CXADR: variants seen among roughly 807,000 people sequenced by gnomAD.
CXADR encodes the protein coxsackievirus and adenovirus receptor.
In CXADR, 20 loss-of-function variants were observed where a neutral mutation model predicts 40.3. The observed-to-expected ratio is 0.50, with a 90% CI of 0.35 to 0.72. The LOEUF is 0.72. Ranked by LOEUF, CXADR falls within the 30% of genes least tolerant of loss-of-function variation. The pLI is 0.01. For missense variants in CXADR, 332 were observed against 449.1 expected, an observed-to-expected ratio of 0.74 and a Z score of 2.36; for synonymous variants, 150 against 161.3, an observed-to-expected ratio of 0.93 and a Z score of 0.53.
chr21:17,611,611 C>T, the CXADR span: 2 of 152,272 alleles, frequency 1.3e-5, no homozygotes, highest in Non-Finnish European at 2.9e-5. Flanking sequence ...CAAGCAGGGC[C>T]AAGAAGACCT....
chr21:17,546,673 G>T (rs554905541), intron 1 of CXADR, among the ~76,000 whole-genome samples: 44 of 152,254 alleles, frequency 2.9e-4, no homozygotes, highest in Non-Finnish European at 4.1e-4. Context: ...TTTGGGCGGG[G>T]TCACAAATCC....
At chr21:17,599,105 C>CA in the CXADR span, 2 of 314,252 alleles carry the variant, frequency 6.4e-6, no homozygotes, top group Admixed American at 4.6e-5. Context: ...TTTAAAACAT[C>CA]AAAAAAAGTC....
At chr21:17,594,029 T>TA, downstream of CXADR, 3 of 1,536,606 alleles carry the variant, frequency 2.0e-6, no homozygotes, top group East Asian at 6.8e-5. Flanking sequence ...TTTTAACTTT[T>TA]AATGTGTAGT....
Position 17,561,370 on chromosome 21 carries a change from A to G in CXADR, c.727A>G (p.Ile243Val), listed in dbSNP as rs2061117599. The G allele has an allele frequency of 1.2e-6, 2 of 1,603,806 alleles. No homozygotes were observed. Among genetic ancestry groups the G allele is most frequent in the Middle Eastern group, 1.9e-4 (1 of 5,180 alleles). ...SNKAGLIAGA[I>V]IGTLLALALI... ...TAAAGCTGGACTAATTGCAGGAGCC[A>G]TTATAGGAACTTTGCTTGCTCTAGC... is the stretch of plus-strand genomic sequence containing the variant. Residue 243 changes from isoleucine (I) to valine (V), a missense_variant, in exon 6 of 7, where the codon ATT becomes GTT. Transcript: ENST00000284878.
chr21:17,589,297 T>TAAA (rs910125065), intron 7 of CXADR, among the ~76,000 whole-genome samples: 15 of 152,070 alleles, frequency 9.9e-5, no homozygotes, highest in African/African-American at 3.1e-4. Context: ...AATTCAGAAA[T>TAAA]ACAACAGATT....
At chr21:17,530,112 C>CTTTTTTTTTTTTTTTTTT (rs1317914148) in intron 1 of CXADR, among the ~76,000 whole-genome samples, 1 of 24,428 alleles carries the variant, frequency 4.1e-5, no homozygotes, top group East Asian at 2.3e-3. Flanking sequence ...CCATGCCAGG[C>CTTTTTTTTTTTTTTTTTT]TATTTTTTTT....
At position 17,546,753 on chromosome 21, in the gene CXADR, CCTT is replaced by C. The variant is rs1199344745; in HGVS notation, c.44-271_44-269del. 2.6e-5 allele frequency among the ~76,000 whole-genome samples: 4 copies of C among 152,180 alleles called. No homozygotes were observed. The East Asian group carries it at 7.7e-4, about 29-fold the overall frequency. On this transcript the variant is annotated intron_variant, in intron 1 of 6. Transcript: ENST00000284878. ...TTAAACATCTGCTTGCATATAGAAA[CCTT>C]CTACCAGTAGAAACTTACATAATGT... is the stretch of plus-strand genomic sequence containing the variant.
chr21:17,632,644 G>A, the CXADR span, among the ~76,000 whole-genome samples: 1 of 151,946 alleles, frequency 6.6e-6, no homozygotes, highest in Admixed American at 6.6e-5. Flanking sequence ...GAGGCGGGCG[G>A]ATCACGAGGT....
At chr21:17,635,761 T>G in the CXADR span, among the ~76,000 whole-genome samples, 2 of 152,240 alleles carry the variant, frequency 1.3e-5, no homozygotes, top group African/African-American at 4.8e-5. Context: ...CAAGTTGTTT[T>G]GTCTGTTCTA....
intron 6 of CXADR, 88 bp from the exon 7 acceptor site, chr21:17,565,340 A>C (rs1350218022): frequency 2.2e-6 from 3 of 1,393,956 alleles, no homozygotes; most frequent in Non-Finnish European, 3.0e-6. Flanking sequence ...ACCTAAATAC[A>C]GGCTCTTATC....
At position 17,587,135 on chromosome 21, in the gene CXADR, T is replaced by C. The variant is rs2061402953; in HGVS notation, c.1018-6017T>C. Among the ~76,000 whole-genome samples, 2 of 152,218 alleles carry C rather than the reference T, an allele frequency of 1.3e-5. 1 individual carries two copies. Among genetic ancestry groups the C allele is most frequent in the Admixed American group, 1.3e-4 (2 of 15,282 alleles). ...TGCCACATTTTCTTAATCCAGTCTATCATTGTTGGACATGTGGGTTGGTTC... is the reference window on the plus strand; with the variant it reads ...TGCCACATTTTCTTAATCCAGTCTACCATTGTTGGACATGTGGGTTGGTTC... On this transcript the variant is annotated intron_variant, in intron 7 of 7. Transcript: ENST00000400169.
chr21:17,515,638 C>T (rs1349448250), intron 1 of CXADR, among the ~76,000 whole-genome samples: 1 of 152,000 alleles, frequency 6.6e-6, no homozygotes, highest in Non-Finnish European at 1.5e-5. Flanking sequence ...GGTGAAACCC[C>T]GTCCCTACTA....
chr21:17,590,655 C>T (rs1222015610), intron 7 of CXADR, among the ~76,000 whole-genome samples: 1 of 151,944 alleles, frequency 6.6e-6, no homozygotes, highest in Admixed American at 6.6e-5. Context: ...TTGCTTCATC[C>T]ATTGCAATAG....
chr21:17,562,031 C>T lies in CXADR; in HGVS notation c.833+555C>T, dbSNP rs118031127. ...AGGCACACTTCAGAGTTATCGCACA[C>T]TGCGATAAATCACATGAATGTTTTT... On this transcript the variant is annotated intron_variant, in intron 6 of 6. Transcript: ENST00000284878. Among the ~76,000 whole-genome samples, 727 of 152,214 alleles carry T rather than the reference C, an allele frequency of 4.8e-3. 4 individuals are homozygous for T. The highest frequency in any genetic ancestry group is 7.8e-3 in the Admixed American group (120 of 15,296).
At chr21:17,562,825 A>G (rs1601025986) in intron 6 of CXADR, among the ~76,000 whole-genome samples, 3 of 152,224 alleles carry the variant, frequency 2.0e-5, no homozygotes, top group African/African-American at 7.2e-5. Context: ...AAACTCATTA[A>G]CCAGCCTCTG....
the CXADR span, among the ~76,000 whole-genome samples, chr21:17,625,353 A>G: frequency 1.3e-5 from 2 of 152,182 alleles, no homozygotes; most frequent in Non-Finnish European, 2.9e-5. Flanking sequence ...CAGATTTCAA[A>G]ATACATAGAA....
chr21:17,526,588 T>C (rs1379889023), intron 1 of CXADR, among the ~76,000 whole-genome samples: 1 of 152,198 alleles, frequency 6.6e-6, no homozygotes, highest in African/African-American at 2.4e-5. Flanking sequence ...CTGGGGAAAT[T>C]TGAATTCACT....
the CXADR span, among the ~76,000 whole-genome samples, chr21:17,609,398 T>C: frequency 6.2e-4 from 94 of 152,336 alleles, 3 homozygotes; most frequent in South Asian, 0.018. Context: ...AGATAGCACG[T>C]TGCTCCTGTT....
chr21:17,550,831 C>G lies in CXADR; in HGVS notation c.211-918C>G, dbSNP rs182265959. Among the ~76,000 whole-genome samples, 5 of 152,316 alleles carry G rather than the reference C, an allele frequency of 3.3e-5. No homozygotes were observed. The East Asian group carries it at 9.6e-4, about 29-fold the overall frequency. On this transcript the variant is annotated intron_variant, in intron 2 of 6. Transcript: ENST00000284878. ...TTCAGAAAACTCAGTGGGTTAGGCA[C>G]AGGTCTTTGCTTTAGTTACAGAAGA...
Sources: gnomAD v4.1 joint callset for allele counts (sites outside exome capture counted in the v4.1 genomes callset) on GRCh38, gnomAD v4.1.1 for gene constraint, MANE v1.5 for transcripts, NCBI Gene and HGNC (gene_info 2026-07-23, HGNC 2026-07-21) for gene names.